Variants in SLX4IP observed in about 807,000 individuals in gnomAD.
The protein encoded by SLX4IP is SLX4 interacting protein.
Under a neutral mutation model 32.9 loss-of-function variants are expected in SLX4IP, and 34 were observed. The ratio of observed to expected loss-of-function variants is 1.03; its 90% CI spans 0.79 to 1.38. SLX4IP has a LOEUF of 1.38. Among genes scored for constraint, SLX4IP ranks in the 40% most tolerant of loss-of-function variants. The pLI is 0.00. For missense variants in SLX4IP, 444 were observed against 479.0 expected (o/e 0.93, Z 0.68); for synonymous variants, 172 against 171.7 (o/e 1.00, Z -0.01).
intron 3 of SLX4IP, among the ~76,000 whole-genome samples, chr20:10,557,451 TCAGGA>T (rs2066278663): frequency 6.6e-6 from 1 of 152,214 alleles, no homozygotes; most frequent in Non-Finnish European, 1.5e-5. Context: ...ACTCTTCTCT[TCAGGA>T]CTTTTAAATA....
chr20:10,550,619 C>T (rs1275816516), intron 2 of SLX4IP, among the ~76,000 whole-genome samples: 3 of 152,162 alleles, frequency 2.0e-5, no homozygotes, highest in Non-Finnish European at 4.4e-5. Context: ...CCAAGAGAGC[C>T]CTCCAGCCCA....
intron 2 of SLX4IP, among the ~76,000 whole-genome samples, chr20:10,459,475 G>A (rs573034260): frequency 2.0e-5 from 3 of 152,106 alleles, no homozygotes; most frequent in Non-Finnish European, 4.4e-5. Flanking sequence ...AGAATGAGAC[G>A]GCGGAGAAAA....
At chr20:10,478,859 G>T (rs1395276719) in intron 2 of SLX4IP, among the ~76,000 whole-genome samples, 1 of 152,254 alleles carries the variant, frequency 6.6e-6, no homozygotes, top group South Asian at 2.1e-4. Flanking sequence ...CCACTCCCAA[G>T]GGAGAGATTC....
At chr20:10,581,462 A>G (rs1212968613) in intron 4 of SLX4IP, among the ~76,000 whole-genome samples, 1 of 152,196 alleles carries the variant, frequency 6.6e-6, no homozygotes, top group African/African-American at 2.4e-5. Context: ...CTGAGTTTGA[A>G]CAAGATGTAG....
intron 6 of SLX4IP, among the ~76,000 whole-genome samples, chr20:10,612,519 C>A (rs191365209): frequency 2.0e-4 from 31 of 152,174 alleles, no homozygotes; most frequent in Non-Finnish European, 1.0e-4. Flanking sequence ...CTGTGAATTG[C>A]CTACTTTTCA....
chr20:10,620,796 C>T (rs2067101333), intron 6 of SLX4IP, among the ~76,000 whole-genome samples: 1 of 152,210 alleles, frequency 6.6e-6, no homozygotes, highest in Non-Finnish European at 1.5e-5. Flanking sequence ...ACCTCGTGAT[C>T]TGGCTGCCTC....
rs1600157034 is a variant in SLX4IP at position 10,613,342 on chromosome 20, A to G, written c.406-7972A>G. The G allele has an allele frequency of 9.9e-6, 10 of 1,011,620 alleles. No individual in the cohort carries two copies. In the East Asian group the frequency reaches 2.1e-4, roughly 22 times the overall value. 62.7% of individuals were successfully genotyped at this position (1,011,620 alleles called of 1,614,324 possible). On this transcript the variant is annotated intron_variant, in intron 6 of 7. Transcript: ENST00000334534. ...CAGGCTGGAAAGACACCTTTTCTCA[A>G]GAGTTGAATTGCTTTTTGCCTTCAA...
Position 10,556,240 on chromosome 20 carries a change from T to C in SLX4IP, c.37T>C (p.Phe13Leu). ...SKKFAVKCGNFAVLVDLHILP... is the reference protein window; with the variant it reads ...SKKFAVKCGNLAVLVDLHILP... ...CATTAATGTCTTTCAGTGTGGGAAT[T>C]TTGCTGTCCTCGTGGATCTTCATAT... Residue 13 changes from phenylalanine (F) to leucine (L), a missense_variant, in exon 3 of 8, where the codon TTT becomes CTT. Coordinates refer to ENST00000334534, the MANE Select transcript of SLX4IP (RefSeq NM_001009608.3). The C allele has an allele frequency of 6.2e-7, 1 of 1,613,504 alleles. No individual in the cohort carries two copies. Among genetic ancestry groups the C allele is most frequent in the Admixed American group, 1.7e-5 (1 of 59,904 alleles).
chr20:10,544,607 G>A (rs1260350095), intron 2 of SLX4IP, among the ~76,000 whole-genome samples: 2 of 152,110 alleles, frequency 1.3e-5, no homozygotes, highest in Non-Finnish European at 1.5e-5. Context: ...GGCTAGACTC[G>A]AACTCCTGGA....
chr20:10,577,972 G>A (rs1309303811), intron 4 of SLX4IP, among the ~76,000 whole-genome samples: 2 of 152,290 alleles, frequency 1.3e-5, no homozygotes, highest in East Asian at 3.9e-4. Flanking sequence ...TTACAGGAAA[G>A]CCTCATTCTT....
Position 10,613,991 on chromosome 20 carries a change from T to G in SLX4IP, c.406-7323T>G, listed in dbSNP as rs2066997791. 5 of 1,223,726 alleles carry G rather than the reference T, an allele frequency of 4.1e-6. No individual in the cohort carries two copies. In the Admixed American group the frequency reaches 8.4e-5, roughly 21 times the overall value. The allele number at this position is 1,223,726 out of a possible 1,614,324, so 75.8% of individuals were successfully genotyped here. A position where few individuals can be genotyped will look rare whatever the true frequency, so the allele number is the denominator to read the frequency against. The stretch of plus-strand genomic sequence containing the variant: ...CCACCGTTCCCTGCTCATCGTACAC[T>G]GCTCTCTGTTCTCTGTCACCGAGAA... On this transcript the variant is annotated intron_variant, in intron 6 of 7. Coordinates refer to ENST00000334534, the MANE Select transcript of SLX4IP (RefSeq NM_001009608.3).
chr20:10,521,114 C>T (rs1043979532), intron 2 of SLX4IP, among the ~76,000 whole-genome samples: 1 of 152,202 alleles, frequency 6.6e-6, no homozygotes, highest in Non-Finnish European at 1.5e-5. Context: ...GATTACCTTT[C>T]GTTTCTCTTT....
intron 3 of SLX4IP, among the ~76,000 whole-genome samples, chr20:10,558,945 G>C (rs2066300483): frequency 6.6e-6 from 1 of 152,178 alleles, no homozygotes. Context: ...CACAGCTAGA[G>C]GGAGAAAGTT....
At chr20:10,509,832 G>A (rs1006986202) in intron 2 of SLX4IP, among the ~76,000 whole-genome samples, 51 of 152,086 alleles carry the variant, frequency 3.4e-4, no homozygotes, top group Middle Eastern at 3.4e-3. Flanking sequence ...GGGACTACAG[G>A]TGTGTACCAC....
chr20:10,511,781 C>T (rs1396204248), intron 2 of SLX4IP, among the ~76,000 whole-genome samples: 1 of 152,188 alleles, frequency 6.6e-6, no homozygotes, highest in African/African-American at 2.4e-5. Context: ...GACAGCCCTT[C>T]CTGTGTGTGG....
intron 2 of SLX4IP, among the ~76,000 whole-genome samples, chr20:10,487,734 G>A (rs1431720815): frequency 6.6e-6 from 1 of 152,160 alleles, no homozygotes; most frequent in Non-Finnish European, 1.5e-5. Context: ...GCGGTCTTGG[G>A]CAAAATGGGA....
In SLX4IP at chr20:10,626,427, C is replaced by T. The variant is rs558856302; in HGVS notation, c.*3048C>T. Reference sequence around the variant, plus strand: ...TCAAAAAGAACAAGTTCTTCAACCACTTGCGTAGTACCCCAAATTATATTC... The same window carrying T: ...TCAAAAAGAACAAGTTCTTCAACCATTTGCGTAGTACCCCAAATTATATTC... On this transcript the variant is annotated 3_prime_UTR_variant, in exon 8 of 8. Transcript: ENST00000334534. 6.6e-5 allele frequency: 10 copies of T among 152,154 alleles called. No individual in the cohort carries two copies. The highest frequency in any genetic ancestry group is 2.4e-4 in the African/African-American group (10 of 41,502). The allele number at this position is 152,154 out of a possible 1,614,324, so 9.4% of individuals were successfully genotyped here.
intron 4 of SLX4IP, among the ~76,000 whole-genome samples, chr20:10,572,548 G>A (rs1485624594): frequency 6.6e-6 from 1 of 152,058 alleles, no homozygotes; most frequent in Admixed American, 6.5e-5. Context: ...ATAGGGTTCA[G>A]GACATTTTTC....
chr20:10,522,403 C>T lies in SLX4IP; in HGVS notation c.28-33828C>T, dbSNP rs72623522. ...CGTTTTCTTAAAGTACAATGATACG[C>T]GGAAAAAGTATACAAACCCGTAGGG... On this transcript the variant is annotated intron_variant, in intron 2 of 7. Coordinates refer to ENST00000334534, the MANE Select transcript of SLX4IP (RefSeq NM_001009608.3). Among the ~76,000 whole-genome samples the T allele has an allele frequency of 0.017, 2,543 of 152,200 alleles. 143 individuals are homozygous for T. The East Asian group carries it at 0.2, about 12-fold the overall frequency.
Sources: gnomAD v4.1 joint callset for allele counts (sites outside exome capture counted in the v4.1 genomes callset) on GRCh38, gnomAD v4.1.1 for gene constraint, MANE v1.5 for transcripts, NCBI Gene and HGNC (gene_info 2026-07-23, HGNC 2026-07-21) for gene names.